Variants in HS3ST3A1 observed in about 807,000 individuals in gnomAD.
The protein encoded by HS3ST3A1 is heparan sulfate-glucosamine 3-sulfotransferase 3A1.
In HS3ST3A1, 19 loss-of-function variants were observed where a neutral mutation model predicts 25.7. The observed-to-expected ratio is 0.74, with a 90% CI of 0.52 to 1.08. The LOEUF (loss-of-function observed/expected upper bound fraction) is 1.08. Ranked by LOEUF, HS3ST3A1 falls within the 50% of genes least tolerant of loss-of-function variation. HS3ST3A1 has a pLI of 0.00. For missense variants in HS3ST3A1, 459 were observed against 594.3 expected (o/e 0.77, Z 2.37); for synonymous variants, 226 against 278.6 (o/e 0.81, Z 1.88).
intron 1 of HS3ST3A1, among the ~76,000 whole-genome samples, chr17:13,587,055 T>G (rs1388982037): frequency 6.6e-6 from 1 of 151,918 alleles, no homozygotes; most frequent in Admixed American, 6.6e-5. Context: ...CTCACCTTTT[T>G]AAGGTAACTA....
intron 1 of HS3ST3A1, among the ~76,000 whole-genome samples, chr17:13,587,280 C>G (rs1337372788): frequency 1.3e-5 from 2 of 151,920 alleles, no homozygotes; most frequent in Non-Finnish European, 2.9e-5. Flanking sequence ...ATGGTGAAAC[C>G]CCACTTCTAC....
At chr17:13,583,096 G>A (rs547602105) in intron 1 of HS3ST3A1, among the ~76,000 whole-genome samples, 1 of 152,308 alleles carries the variant, frequency 6.6e-6, no homozygotes, top group East Asian at 1.9e-4. Flanking sequence ...GGCATGAGAC[G>A]CGGGAGACGT....
chr17:13,518,203 A>G (rs923958799), intron 1 of HS3ST3A1, among the ~76,000 whole-genome samples: 2 of 151,824 alleles, frequency 1.3e-5, no homozygotes, highest in African/African-American at 4.8e-5. Flanking sequence ...GATGGTGTCT[A>G]TTGTAGCACT....
chr17:13,527,754 G>A (rs551544758), intron 1 of HS3ST3A1, among the ~76,000 whole-genome samples: 55 of 152,146 alleles, frequency 3.6e-4, no homozygotes, highest in Non-Finnish European at 7.1e-4. Flanking sequence ...ACATTTGTTC[G>A]TAGGCTTCCA....
chr17:13,573,142 T>A (rs962163826), intron 1 of HS3ST3A1, among the ~76,000 whole-genome samples: 2 of 152,186 alleles, frequency 1.3e-5, no homozygotes, highest in African/African-American at 2.4e-5. Flanking sequence ...CTTAGCCTCC[T>A]TCCTGTCCAC....
chr17:13,569,321 T>C (rs951871312), intron 1 of HS3ST3A1, among the ~76,000 whole-genome samples: 1 of 152,204 alleles, frequency 6.6e-6, no homozygotes, highest in Non-Finnish European at 1.5e-5. Context: ...TGTGTTTATT[T>C]TGGGTGGAAA....
chr17:13,541,941 C>T (rs758522255), intron 1 of HS3ST3A1, among the ~76,000 whole-genome samples: 19 of 152,218 alleles, frequency 1.2e-4, no homozygotes, highest in African/African-American at 3.4e-4. Flanking sequence ...CTGGAATGGA[C>T]GGAATTATAT....
chr17:13,556,858 A>AG, intron 1 of HS3ST3A1, among the ~76,000 whole-genome samples: 1 of 151,954 alleles, frequency 6.6e-6, no homozygotes, highest in South Asian at 2.1e-4. Context: ...CCTAAAAAAA[A>AG]AAAAAAAAGC....
chr17:13,596,438 C>CACACACAT (rs1555543574), intron 1 of HS3ST3A1, among the ~76,000 whole-genome samples: 2,434 of 151,602 alleles, frequency 0.016, 72 homozygotes, highest in African/African-American at 0.057. Flanking sequence ...CACACACACA[C>CACACACAT]ACACACACAC....
intron 1 of HS3ST3A1, among the ~76,000 whole-genome samples, chr17:13,531,554 C>T (rs1367234975): frequency 6.9e-5 from 10 of 145,388 alleles, no homozygotes; most frequent in African/African-American, 2.3e-4. Context: ...CCACCCAGTT[C>T]CCAGCATCTT....
intron 1 of HS3ST3A1, among the ~76,000 whole-genome samples, chr17:13,574,590 C>T (rs985148968): frequency 4.6e-5 from 7 of 151,916 alleles, no homozygotes; most frequent in South Asian, 2.1e-4. Context: ...TGGTGGCGGG[C>T]GCCTGTAGTC....
In HS3ST3A1 at chr17:13,525,756, C is replaced by G. The variant is rs567569625; in HGVS notation, c.600-28938G>C. Among the ~76,000 whole-genome samples the G allele has an allele frequency of 5.3e-5, 8 of 152,234 alleles. No homozygotes were observed. In the South Asian group the frequency reaches 1.7e-3, roughly 32 times the overall value. On this transcript the variant is annotated intron_variant, in intron 1 of 1. Coordinates refer to ENST00000284110, the MANE Select transcript of HS3ST3A1 (RefSeq NM_006042.3). ...CCTTCCTGCTGACCTTACAGGGCAC[C>G]AGAGGTGAATCTATATTTGTCCATA...
At chr17:13,562,150 A>G (rs1342618226) in intron 1 of HS3ST3A1, among the ~76,000 whole-genome samples, 2 of 152,148 alleles carry the variant, frequency 1.3e-5, no homozygotes, top group Admixed American at 6.5e-5. Flanking sequence ...CCCCATGGCC[A>G]TGACCACCCT....
At chr17:13,534,547 C>CAAAAAAAAAAAAAAAAAAAAAA (rs34383911) in intron 1 of HS3ST3A1, among the ~76,000 whole-genome samples, 5 of 32,828 alleles carry the variant, frequency 1.5e-4, no homozygotes, top group Admixed American at 1.0e-3. Flanking sequence ...CTACAAAATC[C>CAAAAAAAAAAAAAAAAAAAAAA]AAAAAAAAAA....
chr17:13,588,009 C>T (rs991910846), intron 1 of HS3ST3A1, among the ~76,000 whole-genome samples: 3 of 152,146 alleles, frequency 2.0e-5, no homozygotes, highest in African/African-American at 4.8e-5. Context: ...ATATTAGCTG[C>T]GGGTGCTCAC....
At chr17:13,499,147 A>T (rs548132509) in intron 1 of HS3ST3A1, among the ~76,000 whole-genome samples, 1 of 152,310 alleles carries the variant, frequency 6.6e-6, no homozygotes, top group Non-Finnish European at 1.5e-5. Context: ...TGAACACCAG[A>T]GAGTTTGGTG....
intron 1 of HS3ST3A1, among the ~76,000 whole-genome samples, chr17:13,567,027 A>G (rs1204703886): frequency 6.6e-6 from 1 of 152,244 alleles, no homozygotes; most frequent in East Asian, 1.9e-4. Context: ...GGAATTTCAT[A>G]GCTACAGAGA....
At chr17:13,580,730 A>G (rs1054958780) in intron 1 of HS3ST3A1, among the ~76,000 whole-genome samples, 4 of 152,044 alleles carry the variant, frequency 2.6e-5, no homozygotes, top group Non-Finnish European at 5.9e-5. Context: ...CATCTCTACT[A>G]AAAATACAAA....
chr17:13,508,058 A>T (rs1905741717), intron 1 of HS3ST3A1, among the ~76,000 whole-genome samples: 1 of 152,178 alleles, frequency 6.6e-6, no homozygotes, highest in South Asian at 2.1e-4. Flanking sequence ...ATATTTTTGA[A>T]GCAGCTCCCA....
Sources: allele counts gnomAD v4.1 joint callset (sites outside exome capture counted in the v4.1 genomes callset), GRCh38; gene constraint gnomAD v4.1.1; transcripts MANE v1.5; gene names NCBI Gene and HGNC (gene_info 2026-07-23, HGNC 2026-07-21).